CNTNAP2: variants seen among roughly 807,000 people sequenced by gnomAD.
The protein encoded by CNTNAP2 is contactin associated protein 2.
In CNTNAP2, 98 loss-of-function variants were observed where a neutral mutation model predicts 155.2. That is an observed-to-expected ratio of 0.63 (90% CI 0.54 to 0.75). The LOEUF (loss-of-function observed/expected upper bound fraction) is 0.75, where lower values mean the gene tolerates loss of function less well. Ranked by LOEUF, CNTNAP2 falls within the 30% of genes least tolerant of loss-of-function variation. CNTNAP2 has a pLI of 0.00. For missense variants in CNTNAP2, 1,727 were observed against 1,688.1 expected (o/e 1.02, Z -0.40); for synonymous variants, 651 against 631.2 (o/e 1.03, Z -0.47).
chr7:146,244,336 G>T (rs945259569), intron 1 of CNTNAP2, among the ~76,000 whole-genome samples: 4 of 152,174 alleles, frequency 2.6e-5, no homozygotes, highest in African/African-American at 9.7e-5. Flanking sequence ...TGCATGAGTA[G>T]TTGAGAACGG....
At chr7:146,992,488 T>A (rs1470601343) in intron 3 of CNTNAP2, among the ~76,000 whole-genome samples, 1 of 152,122 alleles carries the variant, frequency 6.6e-6, no homozygotes, top group Non-Finnish European at 1.5e-5. Context: ...GAACAGGGAC[T>A]CTCAGCAAAG....
intron 10 of CNTNAP2, among the ~76,000 whole-genome samples, chr7:147,396,629 A>G (rs1233268101): frequency 6.6e-6 from 1 of 152,068 alleles, no homozygotes; most frequent in Non-Finnish European, 1.5e-5. Context: ...ATTATACTGC[A>G]TACACTACCT....
intron 1 of CNTNAP2, among the ~76,000 whole-genome samples, chr7:146,688,177 T>A (rs913778495): frequency 2.0e-5 from 3 of 152,188 alleles, no homozygotes; most frequent in Non-Finnish European, 4.4e-5. Context: ...AGGAAGGTAC[T>A]AATTTTAAAT....
chr7:147,486,185 C>A, intron 11 of CNTNAP2, 144 bp downstream of exon 11: 2 of 514,702 alleles, frequency 3.9e-6, no homozygotes, highest in Middle Eastern at 3.2e-4. Context: ...TGTCATTTCT[C>A]CAAAAAAAAA....
intron 14 of CNTNAP2, among the ~76,000 whole-genome samples, chr7:147,964,413 A>T (rs181450440): frequency 6.6e-6 from 1 of 152,160 alleles, no homozygotes; most frequent in South Asian, 2.1e-4. Context: ...AAAATGACTC[A>T]ATCCTCCACG....
At chr7:147,671,650 G>C (rs199984071) in intron 13 of CNTNAP2, 1 of 152,264 alleles carries the variant, frequency 6.6e-6, no homozygotes, top group African/African-American at 2.4e-5. Context: ...TAGAGCATGC[G>C]TATTTGCTGT....
At chr7:146,933,106 C>T (rs1362221524) in intron 3 of CNTNAP2, among the ~76,000 whole-genome samples, 2 of 151,964 alleles carry the variant, frequency 1.3e-5, no homozygotes, top group African/African-American at 4.8e-5. Flanking sequence ...TCATATGGCA[C>T]CAAAAAAGAG....
intron 14 of CNTNAP2, among the ~76,000 whole-genome samples, chr7:147,957,229 TG>T (rs1289944459): frequency 6.6e-6 from 1 of 152,162 alleles, no homozygotes; most frequent in Non-Finnish European, 1.5e-5. Flanking sequence ...TAAACTCTGT[TG>T]GGGTTTTGCT....
chr7:146,165,175 T>C (rs1798294398), intron 1 of CNTNAP2, among the ~76,000 whole-genome samples: 1 of 152,110 alleles, frequency 6.6e-6, no homozygotes, highest in African/African-American at 2.4e-5. Flanking sequence ...TGGAAAAACA[T>C]AACATATTAC....
At chr7:146,758,469 T>C (rs868038013) in intron 1 of CNTNAP2, among the ~76,000 whole-genome samples, 1 of 150,490 alleles carries the variant, frequency 6.6e-6, no homozygotes, top group African/African-American at 2.4e-5. Context: ...ATTTTCATGC[T>C]GCTGATAAAG....
chr7:147,033,126 G>A (rs1175347831), intron 3 of CNTNAP2, among the ~76,000 whole-genome samples: 3 of 132,298 alleles, frequency 2.3e-5, no homozygotes, highest in African/African-American at 5.7e-5. Flanking sequence ...AGAGCAGTAG[G>A]GTCTAGAGAG....
At chr7:147,219,847 C>T (rs1310456043) in intron 8 of CNTNAP2, among the ~76,000 whole-genome samples, 1 of 152,110 alleles carries the variant, frequency 6.6e-6, no homozygotes, top group East Asian at 1.9e-4. Flanking sequence ...GCCATCTCGG[C>T]TCACTGCAAG....
chr7:147,965,063 C>T (rs771458719), intron 14 of CNTNAP2, among the ~76,000 whole-genome samples: 15 of 152,068 alleles, frequency 9.9e-5, no homozygotes, highest in Non-Finnish European at 1.8e-4. Flanking sequence ...AGCCATGTGC[C>T]CAATTATGAG....
chr7:147,864,461 G>A (rs1799192231), intron 13 of CNTNAP2, among the ~76,000 whole-genome samples: 1 of 151,316 alleles, frequency 6.6e-6, no homozygotes, highest in Admixed American at 6.6e-5. Flanking sequence ...CCAATTCTGT[G>A]AAGAAAGTCA....
At chr7:148,259,347 C>A (rs1796515004) in intron 20 of CNTNAP2, among the ~76,000 whole-genome samples, 1 of 150,412 alleles carries the variant, frequency 6.6e-6, no homozygotes, top group Non-Finnish European at 1.5e-5. Flanking sequence ...CAGAATAAGA[C>A]CCTGCCTCAA....
At chr7:147,798,626 A>G (rs1054290654) in intron 13 of CNTNAP2, among the ~76,000 whole-genome samples, 47 of 152,192 alleles carry the variant, frequency 3.1e-4, no homozygotes, top group African/African-American at 1.1e-3. Flanking sequence ...AGAAAACCAA[A>G]CCTTTCCAGT....
intron 1 of CNTNAP2, among the ~76,000 whole-genome samples, chr7:146,743,394 C>T (rs555742554): frequency 6.6e-6 from 1 of 152,170 alleles, no homozygotes; most frequent in South Asian, 2.1e-4. Context: ...AGTTATTTGT[C>T]AGGGATATTT....
intron 3 of CNTNAP2, among the ~76,000 whole-genome samples, chr7:146,867,770 A>G (rs1388793320): frequency 1.2e-5 from 1 of 82,790 alleles, no homozygotes; most frequent in Non-Finnish European, 2.4e-5. Flanking sequence ...TCTAATGATC[A>G]GTGATAGTGA....
intron 11 of CNTNAP2, among the ~76,000 whole-genome samples, chr7:147,548,421 T>C (rs747067669): frequency 2.4e-4 from 37 of 152,216 alleles, no homozygotes; most frequent in Non-Finnish European, 4.4e-4. Context: ...AAAGTGTCTG[T>C]TCATATTATT....
Sources: allele counts gnomAD v4.1 joint callset (sites outside exome capture counted in the v4.1 genomes callset), GRCh38; gene constraint gnomAD v4.1.1; transcripts MANE v1.5; gene names NCBI Gene and HGNC (gene_info 2026-07-23, HGNC 2026-07-21).